The following NCKAP5 variants were observed in gnomAD, a reference collection of about 807,000 sequenced individuals.
NCKAP5 encodes nck-associated protein 5.
In NCKAP5, 92 loss-of-function variants were observed where a neutral mutation model predicts 167.0. The ratio of observed to expected loss-of-function variants is 0.55; its 90% CI spans 0.47 to 0.66. NCKAP5 has a LOEUF of 0.66. NCKAP5 is among the 30% of genes least tolerant of loss of function. NCKAP5 has a pLI of 0.00. For missense variants in NCKAP5, 2,378 were observed against 2,315.0 expected (o/e 1.03, Z -0.56); for synonymous variants, 891 against 877.4 (o/e 1.02, Z -0.27).
intron 18 of NCKAP5, among the ~76,000 whole-genome samples, chr2:132,727,029 A>G: frequency 6.6e-6 from 1 of 152,172 alleles, no homozygotes. Context: ...TAGAAATATA[A>G]AGCTAATTCC....
In NCKAP5 at chr2:132,771,946, C is replaced by T. The variant is rs146850552; in HGVS notation, c.5128+1870G>A. On this transcript the variant is annotated intron_variant, in intron 16 of 19. Transcript: ENST00000409261. Reference sequence around the variant, plus strand: ...GACCTCGTGATCCACCTGCCTTGGCCTCCCAAAGTGCTGGGATTACAGGTG... The same window carrying T: ...GACCTCGTGATCCACCTGCCTTGGCTTCCCAAAGTGCTGGGATTACAGGTG... Among the ~76,000 whole-genome samples the T allele has an allele frequency of 1.9e-3, 292 of 151,186 alleles. 2 individuals are homozygous for T. The highest frequency in any genetic ancestry group is 7.1e-3 in the African/African-American group (290 of 41,116).
At chr2:133,224,068 A>T (rs972308869) in intron 4 of NCKAP5, among the ~76,000 whole-genome samples, 5 of 152,202 alleles carry the variant, frequency 3.3e-5, no homozygotes, top group African/African-American at 9.7e-5. Context: ...GCTCCTGGAA[A>T]ATAAAACGTA....
chr2:132,816,470 C>G (rs1686282332), intron 11 of NCKAP5, among the ~76,000 whole-genome samples: 1 of 152,110 alleles, frequency 6.6e-6, no homozygotes, highest in African/African-American at 2.4e-5. Context: ...ATTTCCTTTC[C>G]TTTCTCCACA....
At chr2:133,435,657 G>A (rs1053991959) in intron 3 of NCKAP5, among the ~76,000 whole-genome samples, 3 of 152,124 alleles carry the variant, frequency 2.0e-5, no homozygotes, top group African/African-American at 7.2e-5. Context: ...GCCTACAAAG[G>A]TTTTAGTTAA....
At chr2:133,321,987 C>A (rs372994381) in intron 3 of NCKAP5, among the ~76,000 whole-genome samples, 1 of 152,150 alleles carries the variant, frequency 6.6e-6, no homozygotes, top group African/African-American at 2.4e-5. Flanking sequence ...GTCATGCAAC[C>A]TGGCCCACAT....
intron 16 of NCKAP5, among the ~76,000 whole-genome samples, chr2:132,735,836 G>A (rs1367598227): frequency 6.6e-6 from 1 of 152,218 alleles, no homozygotes; most frequent in East Asian, 1.9e-4. Flanking sequence ...GTAGTTGCAG[G>A]AAATAGGCCA....
chr2:132,965,904 T>TTCTG (rs1553493891), intron 7 of NCKAP5, among the ~76,000 whole-genome samples: 1 of 140,870 alleles, frequency 7.1e-6, no homozygotes, highest in Non-Finnish European at 1.6e-5. Flanking sequence ...ACATGACTCT[T>TTCTG]TGTGTGTGTG....
chr2:132,808,351 A>C (rs1353158905), intron 11 of NCKAP5, among the ~76,000 whole-genome samples: 1 of 151,886 alleles, frequency 6.6e-6, no homozygotes, highest in Non-Finnish European at 1.5e-5. Flanking sequence ...TCTTCTTTGA[A>C]TGTCAGGTAG....
intron 11 of NCKAP5, among the ~76,000 whole-genome samples, chr2:132,830,438 G>T (rs1281244638): frequency 1.3e-5 from 2 of 151,958 alleles, no homozygotes; most frequent in Non-Finnish European, 2.9e-5. Context: ...CCCTTGCAGT[G>T]CTGAGAGAAA....
intron 4 of NCKAP5, among the ~76,000 whole-genome samples, chr2:133,270,675 T>C (rs1422426079): frequency 6.6e-6 from 1 of 152,182 alleles, no homozygotes; most frequent in Non-Finnish European, 1.5e-5. Flanking sequence ...TGAAAGTATC[T>C]TTGATTGGTT....
chr2:133,164,167 A>G (rs966891689), intron 5 of NCKAP5, among the ~76,000 whole-genome samples: 2 of 152,234 alleles, frequency 1.3e-5, no homozygotes, highest in African/African-American at 4.8e-5. Flanking sequence ...ATATTTTTTC[A>G]TAATATATAA....
chr2:133,133,975 A>T (rs1360722387), intron 5 of NCKAP5, among the ~76,000 whole-genome samples: 1 of 152,190 alleles, frequency 6.6e-6, no homozygotes, highest in African/African-American at 2.4e-5. Flanking sequence ...TAAAAGTGCT[A>T]ATTTGTTCCA....
intron 13 of NCKAP5, 48 bp from the exon 14 acceptor site, chr2:132,785,766 C>A (rs1235615893): frequency 1.6e-5 from 22 of 1,382,044 alleles, no homozygotes; most frequent in Non-Finnish European, 2.1e-5. Flanking sequence ...ATGTAGATCA[C>A]AAAGATATAA....
At chr2:132,930,424 C>A (rs1335738228) in intron 8 of NCKAP5, 1 of 152,156 alleles carries the variant, frequency 6.6e-6, no homozygotes, top group Non-Finnish European at 1.5e-5. Context: ...ATCTGCCCTC[C>A]CCAGTGTGGG....
intron 3 of NCKAP5, among the ~76,000 whole-genome samples, chr2:133,501,616 A>G (rs959009729): frequency 6.6e-5 from 10 of 152,228 alleles, no homozygotes; most frequent in African/African-American, 2.2e-4. Flanking sequence ...CATATACTCA[A>G]AATTAAAGTC....
At chr2:132,768,800 CG>C (rs1185182501) in intron 16 of NCKAP5, among the ~76,000 whole-genome samples, 2 of 150,976 alleles carry the variant, frequency 1.3e-5, no homozygotes, top group Non-Finnish European at 3.0e-5. Context: ...CCACCACGCC[CG>C]GCTAATTTTT....
intron 7 of NCKAP5, among the ~76,000 whole-genome samples, chr2:132,979,996 C>CTTTTTCT (rs1444611195): frequency 4.5e-5 from 6 of 134,676 alleles, no homozygotes; most frequent in African/African-American, 1.7e-4. Context: ...TTTTCTTTTT[C>CTTTTTCT]TTTTTTTTTT....
chr2:133,488,341 T>C (rs1033312050), intron 3 of NCKAP5, among the ~76,000 whole-genome samples: 1 of 152,172 alleles, frequency 6.6e-6, no homozygotes, highest in Non-Finnish European at 1.5e-5. Flanking sequence ...GTCAAAGGGC[T>C]TCCAACAAGT....
intron 2 of NCKAP5, among the ~76,000 whole-genome samples, chr2:133,549,374 A>G (rs1233330551): frequency 6.9e-6 from 1 of 145,732 alleles, no homozygotes; most frequent in African/African-American, 2.5e-5. Flanking sequence ...ATGTAAAAGA[A>G]CAGAAATTAT....
Sources: allele counts gnomAD v4.1 joint callset (sites outside exome capture counted in the v4.1 genomes callset), GRCh38; gene constraint gnomAD v4.1.1; transcripts MANE v1.5; gene names NCBI Gene and HGNC (gene_info 2026-07-23, HGNC 2026-07-21).